Variants in HS3ST4 observed in about 807,000 individuals in gnomAD.
The protein encoded by HS3ST4 is heparan sulfate-glucosamine 3-sulfotransferase 4.
A neutral mutation model predicts 29.2 loss-of-function variants in HS3ST4; 17 were observed. The observed-to-expected ratio is 0.58, with a 90% CI of 0.40 to 0.87. The LOEUF is 0.87. Among genes scored for constraint, HS3ST4 ranks in the 40% least tolerant of loss-of-function variants. The pLI is 0.00. For missense variants in HS3ST4, 627 were observed against 634.5 expected (o/e 0.99, Z 0.13); for synonymous variants, 314 against 285.7 (o/e 1.10, Z -1.00).
intron 1 of HS3ST4, among the ~76,000 whole-genome samples, chr16:25,916,648 C>T (rs1399697555): frequency 1.3e-5 from 2 of 151,008 alleles, no homozygotes; most frequent in Non-Finnish European, 2.9e-5. Context: ...GGGCATGAGC[C>T]ACCGTGCCCA....
intron 1 of HS3ST4, among the ~76,000 whole-genome samples, chr16:25,804,071 C>G (rs930629223): frequency 1.3e-5 from 2 of 152,026 alleles, no homozygotes; most frequent in African/African-American, 4.8e-5. Context: ...AGGTTACTAC[C>G]TTTTCTAGCC....
At chr16:25,975,219 T>A (rs1968932759) in intron 1 of HS3ST4, among the ~76,000 whole-genome samples, 1 of 151,708 alleles carries the variant, frequency 6.6e-6, no homozygotes, top group Non-Finnish European at 1.5e-5. Flanking sequence ...ATGTTCTTAC[T>A]TACAAGCAGG....
Position 25,693,140 on chromosome 16 carries a change from G to A in HS3ST4, c.723G>A (p.Leu241=), listed in dbSNP as rs1211130702. ...HFFDRNYEKG[L]EWYRNVMPKT... ...TCGACAGGAACTACGAAAAGGGGTTGGAGTGGTACAGGTAGGACCCTGGGC... is the reference window on the plus strand; with the variant it reads ...TCGACAGGAACTACGAAAAGGGGTTAGAGTGGTACAGGTAGGACCCTGGGC... The change falls in exon 1 of 2, where the codon TTG becomes TTA. Residue 241 remains leucine, a synonymous_variant. Coordinates refer to ENST00000331351, the MANE Select transcript of HS3ST4 (RefSeq NM_006040.3). 1 of 1,606,124 alleles carries A rather than the reference G, an allele frequency of 6.2e-7. No homozygotes were observed. The highest frequency in any genetic ancestry group is 8.5e-7 in the Non-Finnish European group (1 of 1,176,600).
At chr16:26,013,245 AGT>A (rs1969328159) in intron 1 of HS3ST4, among the ~76,000 whole-genome samples, 2 of 152,136 alleles carry the variant, frequency 1.3e-5, no homozygotes, top group Non-Finnish European at 2.9e-5. Context: ...GGTGTGGCAG[AGT>A]AGTTAGGGAC....
intron 1 of HS3ST4, among the ~76,000 whole-genome samples, chr16:26,016,789 G>A (rs1179625174): frequency 6.6e-6 from 1 of 152,160 alleles, no homozygotes; most frequent in Non-Finnish European, 1.5e-5. Context: ...GATATTAAGT[G>A]AGTGTGATAG....
intron 1 of HS3ST4, among the ~76,000 whole-genome samples, chr16:25,807,959 C>T (rs980734504): frequency 7.9e-5 from 12 of 152,000 alleles, no homozygotes; most frequent in African/African-American, 2.4e-4. Context: ...TCATGTCTTG[C>T]GTATATTTTC....
At chr16:26,102,421 C>G (rs1305988173) in intron 1 of HS3ST4, among the ~76,000 whole-genome samples, 1 of 152,174 alleles carries the variant, frequency 6.6e-6, no homozygotes, top group Non-Finnish European at 1.5e-5. Context: ...GGAAATGTCT[C>G]TTGGTTTCTT....
intron 1 of HS3ST4, among the ~76,000 whole-genome samples, chr16:26,035,196 A>G (rs1416045162): frequency 6.6e-6 from 1 of 152,224 alleles, no homozygotes. Flanking sequence ...CCAATGTTGT[A>G]ATTGTGAAGT....
At chr16:25,942,147 C>T (rs1487054662) in intron 1 of HS3ST4, among the ~76,000 whole-genome samples, 3 of 152,118 alleles carry the variant, frequency 2.0e-5, no homozygotes, top group Non-Finnish European at 2.9e-5. Flanking sequence ...ATAGTGGGGC[C>T]TGTACCAATT....
chr16:25,987,763 G>C (rs1969077871), intron 1 of HS3ST4, among the ~76,000 whole-genome samples: 2 of 150,126 alleles, frequency 1.3e-5, no homozygotes. Flanking sequence ...AAGATTGATT[G>C]ATTGATTAAT....
chr16:26,069,995 C>T lies in HS3ST4; in HGVS notation c.735-65617C>T, dbSNP rs146882095. Among the ~76,000 whole-genome samples the T allele has an allele frequency of 3.9e-3, 592 of 152,120 alleles. 3 individuals carry two copies. Among genetic ancestry groups the T allele is most frequent in the African/African-American group, 0.014 (568 of 41,482 alleles). ...GGTTTGTTCCAAGTCTTTGCTATTGCGAATAGTGCCATAATAAACATACGT... is the reference window on the plus strand; with the variant it reads ...GGTTTGTTCCAAGTCTTTGCTATTGTGAATAGTGCCATAATAAACATACGT... On this transcript the variant is annotated intron_variant, in intron 1 of 1. Coordinates refer to ENST00000331351, the MANE Select transcript of HS3ST4 (RefSeq NM_006040.3).
intron 1 of HS3ST4, among the ~76,000 whole-genome samples, chr16:25,716,670 C>G (rs892550726): frequency 3.9e-5 from 6 of 152,208 alleles, no homozygotes; most frequent in Non-Finnish European, 8.8e-5. Context: ...CTTCTCTGTT[C>G]CAGGCATCGT....
chr16:25,765,614 T>C (rs1966813097), intron 1 of HS3ST4, among the ~76,000 whole-genome samples: 1 of 152,144 alleles, frequency 6.6e-6, no homozygotes, highest in Non-Finnish European at 1.5e-5. Flanking sequence ...GGAGCCTCTT[T>C]TATGCCCTGC....
intron 1 of HS3ST4, among the ~76,000 whole-genome samples, chr16:26,010,660 AATTGATAAC>A (rs1969302334): frequency 6.6e-6 from 1 of 152,132 alleles, no homozygotes; most frequent in African/African-American, 2.4e-5. Flanking sequence ...AAAGTTATCA[AATTGATAAC>A]TTTGCAAAGA....
chr16:25,806,466 T>C (rs917237868), intron 1 of HS3ST4, among the ~76,000 whole-genome samples: 1 of 152,080 alleles, frequency 6.6e-6, no homozygotes, highest in Non-Finnish European at 1.5e-5. Flanking sequence ...GAAGTGGGAG[T>C]TACATCCACC....
intron 1 of HS3ST4, among the ~76,000 whole-genome samples, chr16:25,922,832 A>T (rs1281781746): frequency 6.6e-6 from 1 of 152,174 alleles, no homozygotes; most frequent in Non-Finnish European, 1.5e-5. Flanking sequence ...AGCTTTTCAG[A>T]TGCTTCTTTT....
intron 1 of HS3ST4, among the ~76,000 whole-genome samples, chr16:26,106,621 C>A (rs1899060986): frequency 6.6e-6 from 1 of 152,164 alleles, no homozygotes. Flanking sequence ...AGCCACATAC[C>A]TTTGGGCAGT....
chr16:25,815,104 A>G (rs1967080043), intron 1 of HS3ST4, among the ~76,000 whole-genome samples: 1 of 152,190 alleles, frequency 6.6e-6, no homozygotes, highest in Non-Finnish European at 1.5e-5. Flanking sequence ...AAATCTGAAC[A>G]GCTTAGTCTG....
intron 1 of HS3ST4, among the ~76,000 whole-genome samples, chr16:25,714,547 A>G (rs1966439136): frequency 6.6e-6 from 1 of 152,202 alleles, no homozygotes; most frequent in African/African-American, 2.4e-5. Flanking sequence ...TGGTTTAGAG[A>G]TGATGCAGAA....
Sources: allele counts gnomAD v4.1 joint callset (sites outside exome capture counted in the v4.1 genomes callset), GRCh38; gene constraint gnomAD v4.1.1; transcripts MANE v1.5; gene names NCBI Gene and HGNC (gene_info 2026-07-23, HGNC 2026-07-21).